Variants in TENM4 observed in about 807,000 individuals in gnomAD.
The protein encoded by TENM4 is teneurin-4.
In TENM4, 82 loss-of-function variants were observed where a neutral mutation model predicts 243.3. The ratio of observed to expected loss-of-function variants is 0.34; its 90% confidence interval spans 0.28 to 0.40. The LOEUF (loss-of-function observed/expected upper bound fraction) is 0.40, where lower values mean the gene tolerates loss of function less well. Ranked by LOEUF, TENM4 falls within the 10% of genes least tolerant of loss-of-function variation. The pLI is 1.00. For missense variants in TENM4, 3,138 were observed against 3,673.3 expected (o/e 0.85, Z 3.77); for synonymous variants, 1,412 against 1,456.3 (o/e 0.97, Z 0.69).
intron 19 of TENM4, among the ~76,000 whole-genome samples, chr11:78,753,719 T>C (rs575618903): frequency 2.6e-4 from 39 of 152,354 alleles, no homozygotes; most frequent in African/African-American, 9.1e-4. Context: ...GTAACTTTTT[T>C]TTTTTTTTTA....
intron 6 of TENM4, among the ~76,000 whole-genome samples, chr11:79,037,025 A>G (rs1043179571): frequency 2.2e-5 from 2 of 90,230 alleles, no homozygotes; most frequent in African/African-American, 1.3e-4. Flanking sequence ...CAAAAAAAAA[A>G]AAAAAAAAAA....
intron 3 of TENM4, among the ~76,000 whole-genome samples, chr11:79,163,420 T>A (rs1398428336): frequency 6.6e-6 from 1 of 151,886 alleles, no homozygotes; most frequent in African/African-American, 2.4e-5. Flanking sequence ...TTTTAATAGT[T>A]TTTTTGGGGG....
chr11:79,009,005 T>C (rs1858572021), intron 6 of TENM4, among the ~76,000 whole-genome samples: 1 of 152,188 alleles, frequency 6.6e-6, no homozygotes, highest in South Asian at 2.1e-4. Flanking sequence ...ATTTTTGGAT[T>C]AATAGCAAAG....
At chr11:78,999,298 G>A (rs1470242581) in intron 6 of TENM4, among the ~76,000 whole-genome samples, 1 of 152,168 alleles carries the variant, frequency 6.6e-6, no homozygotes, top group Non-Finnish European at 1.5e-5. Context: ...TGGATCACGA[G>A]GTCAGGAGAT....
chr11:79,180,263 G>A (rs1045238956), intron 3 of TENM4, among the ~76,000 whole-genome samples: 1 of 151,706 alleles, frequency 6.6e-6, no homozygotes, highest in Non-Finnish European at 1.5e-5. Flanking sequence ...ACTCTCAAGT[G>A]TCTGAGTGTG....
chr11:79,396,083 T>G (rs1042469696), intron 1 of TENM4, among the ~76,000 whole-genome samples: 1 of 152,186 alleles, frequency 6.6e-6, no homozygotes, highest in Non-Finnish European at 1.5e-5. Context: ...ACCTTCCCCC[T>G]GCCTATGTTC....
chr11:79,137,493 C>G (rs920642599), intron 4 of TENM4, among the ~76,000 whole-genome samples: 1 of 151,862 alleles, frequency 6.6e-6, no homozygotes, highest in Admixed American at 6.6e-5. Flanking sequence ...TGCCACCAGG[C>G]AAAAAAACCC....
At chr11:78,921,292 T>A (rs1856441804) in intron 6 of TENM4, among the ~76,000 whole-genome samples, 1 of 152,190 alleles carries the variant, frequency 6.6e-6, no homozygotes, top group African/African-American at 2.4e-5. Context: ...GTCTGTCATG[T>A]GTCTGGATAT....
intron 1 of TENM4, among the ~76,000 whole-genome samples, chr11:79,408,183 T>G (rs1229607961): frequency 1.3e-5 from 2 of 152,322 alleles, no homozygotes; most frequent in African/African-American, 4.8e-5. Flanking sequence ...GGATTACAGG[T>G]GTAAGCCACC....
rs1855977758 is a variant in TENM4 at position 78,903,322 on chromosome 11, G to A, written c.695C>T (p.Pro232Leu). 2 of 1,481,154 alleles carry A rather than the reference G, an allele frequency of 1.4e-6. No homozygotes were observed. The highest frequency in any genetic ancestry group is 2.9e-5 in the African/African-American group (2 of 68,118). The allele number at this position is 1,481,154 out of a possible 1,614,324, so 91.8% of individuals were successfully genotyped here. A position where few individuals can be genotyped will look rare whatever the true frequency, so the allele number is the denominator to read the frequency against. Reference protein sequence around the residue: ...GEPPAGGAQEPAHAQENWLLN... With the variant: ...GEPPAGGAQELAHAQENWLLN... ...CAGCCAGTTCTCCTGGGCGTGGGCA[G>A]GCTCCTGGGCGCCGCCGGCAGGGGG... The change falls in exon 7 of 34, where the codon CCT (proline) becomes CTT (leucine). Residue 232 changes from proline to leucine, a missense_variant. By Grantham distance (98) the Pro-to-Leu change is moderately conservative. Transcript: ENST00000278550.
At chr11:78,815,921 A>C (rs1368490592) in intron 12 of TENM4, among the ~76,000 whole-genome samples, 3 of 152,238 alleles carry the variant, frequency 2.0e-5, no homozygotes, top group Non-Finnish European at 4.4e-5. Context: ...GCCTTGCTGC[A>C]TGACACTATG....
At chr11:79,006,206 C>T (rs1389038120) in intron 6 of TENM4, among the ~76,000 whole-genome samples, 1 of 152,040 alleles carries the variant, frequency 6.6e-6, no homozygotes, top group African/African-American at 2.4e-5. Context: ...TAATCAGTAC[C>T]TCCCTTTCTA....
intron 27 of TENM4, among the ~76,000 whole-genome samples, chr11:78,702,955 C>CT (rs111968526): frequency 0.075 from 11,484 of 152,240 alleles, 476 homozygotes; most frequent in Middle Eastern, 0.14. Flanking sequence ...TTTCTCAATT[C>CT]TTTGAGTTCA....
rs73508625 is a variant in TENM4 at position 79,190,150 on chromosome 11, C to A, written c.-163+25658G>T. Among the ~76,000 whole-genome samples, 718 of 152,318 alleles carry A rather than the reference C, an allele frequency of 4.7e-3. 4 individuals are homozygous for A. The highest frequency in any genetic ancestry group is 0.017 in the African/African-American group (686 of 41,566). Reference sequence around the variant, plus strand: ...CCATTACAGGGTACTCCCCTATTTGCCTGTTTGTCTTACTTGGTAGACCTC... The same window carrying A: ...CCATTACAGGGTACTCCCCTATTTGACTGTTTGTCTTACTTGGTAGACCTC... On this transcript the variant is annotated intron_variant, in intron 3 of 33. Coordinates refer to ENST00000278550, the MANE Select transcript of TENM4 (RefSeq NM_001098816.3).
At chr11:79,271,772 G>A (rs547728246) in intron 2 of TENM4, among the ~76,000 whole-genome samples, 1 of 152,310 alleles carries the variant, frequency 6.6e-6, no homozygotes, top group African/African-American at 2.4e-5. Context: ...AGGAAGTGGT[G>A]GCCTCTGGCC....
At chr11:78,895,315 C>T (rs910006227) in intron 7 of TENM4, among the ~76,000 whole-genome samples, 13 of 147,006 alleles carry the variant, frequency 8.8e-5, no homozygotes, top group African/African-American at 2.8e-4. Context: ...CCAGCCTGGG[C>T]GACAGAGTGA....
At chr11:79,305,276 C>T (rs987869688) in intron 1 of TENM4, among the ~76,000 whole-genome samples, 1 of 152,234 alleles carries the variant, frequency 6.6e-6, no homozygotes, top group African/African-American at 2.4e-5. Context: ...TTTATGCCAG[C>T]CTTTCAGAGC....
chr11:78,707,537 T>C (rs990476619), intron 27 of TENM4, among the ~76,000 whole-genome samples: 2 of 152,272 alleles, frequency 1.3e-5, no homozygotes, highest in Non-Finnish European at 2.9e-5. Context: ...CCCTATGCTA[T>C]GGTTTTCAAT....
chr11:79,401,386 G>C (rs1184615998), intron 1 of TENM4, among the ~76,000 whole-genome samples: 1 of 152,298 alleles, frequency 6.6e-6, no homozygotes, highest in South Asian at 2.1e-4. Context: ...TGCTGAGGCT[G>C]TCTAACCCCG....
Sources: gnomAD v4.1 joint callset for allele counts (sites outside exome capture counted in the v4.1 genomes callset) on GRCh38, gnomAD v4.1.1 for gene constraint, MANE v1.5 for transcripts, NCBI Gene and HGNC (gene_info 2026-07-23, HGNC 2026-07-21) for gene names.